PALM2AKAP2: variants seen among roughly 807,000 people sequenced by gnomAD.
PALM2AKAP2 encodes PALM2 and AKAP2 fusion.
In PALM2AKAP2, 37 loss-of-function variants were observed where a neutral mutation model predicts 71.5. That is an observed-to-expected ratio of 0.52 (90% CI 0.40 to 0.68). The LOEUF is 0.68. Ranked by LOEUF, PALM2AKAP2 falls within the 30% of genes least tolerant of loss-of-function variation. The pLI is 0.00. For missense variants in PALM2AKAP2, 1,224 were observed against 1,191.8 expected (o/e 1.03, Z -0.40); for synonymous variants, 468 against 478.8 (o/e 0.98, Z 0.29).
upstream of PALM2AKAP2, among the ~76,000 whole-genome samples, chr9:110,047,177 AATTCAATAGT>A (rs1430053389): frequency 1.3e-5 from 2 of 152,218 alleles, no homozygotes; most frequent in Non-Finnish European, 2.9e-5. Flanking sequence ...ATTCTATTGA[AATTCAATAGT>A]ATAAGAGACA....
intron 6 of PALM2AKAP2, among the ~76,000 whole-genome samples, chr9:109,987,753 G>A (rs1832407923): frequency 6.6e-6 from 1 of 152,100 alleles, no homozygotes; most frequent in African/African-American, 2.4e-5. Context: ...TTTTTGTTCT[G>A]CCATCTTTGG....
intron 1 of PALM2AKAP2, among the ~76,000 whole-genome samples, chr9:110,060,924 A>G (rs7037801): frequency 0.077 from 11,665 of 152,234 alleles, 473 homozygotes; most frequent in Middle Eastern, 0.11. Context: ...AAGTTAAGCT[A>G]CTTGTAAGCT....
At chr9:110,048,681 A>G, upstream of PALM2AKAP2, 2 of 1,521,746 alleles carry the variant, frequency 1.3e-6, no homozygotes, top group Non-Finnish European at 1.7e-6. Context: ...GCGCGCCCGG[A>G]GGCTACCACT....
chr9:109,879,579 G>A (rs945410964), intron 2 of PALM2AKAP2, among the ~76,000 whole-genome samples: 18 of 152,080 alleles, frequency 1.2e-4, no homozygotes, highest in African/African-American at 4.3e-4. Context: ...CTTTTTTCTG[G>A]AACTGTTTTC....
At chr9:109,732,949 A>C (rs1828578526) in intron 1 of PALM2AKAP2, among the ~76,000 whole-genome samples, 1 of 152,160 alleles carries the variant, frequency 6.6e-6, no homozygotes, top group Non-Finnish European at 1.5e-5. Flanking sequence ...CAGGGAGATC[A>C]AGGGATCAGG....
chr9:109,954,968 C>T (rs1343377146), intron 6 of PALM2AKAP2, among the ~76,000 whole-genome samples: 1 of 152,086 alleles, frequency 6.6e-6, no homozygotes, highest in African/African-American at 2.4e-5. Flanking sequence ...AGCCATATTC[C>T]GTTGTTCATC....
intron 1 of PALM2AKAP2, among the ~76,000 whole-genome samples, chr9:109,691,700 A>G (rs879501856): frequency 1.1e-3 from 173 of 151,004 alleles, no homozygotes; most frequent in Non-Finnish European, 2.2e-3. Flanking sequence ...TCGATGTTGG[A>G]AGTAACCTCT....
At chr9:109,745,118 T>C (rs1828778290) in intron 1 of PALM2AKAP2, among the ~76,000 whole-genome samples, 1 of 152,160 alleles carries the variant, frequency 6.6e-6, no homozygotes, top group Non-Finnish European at 1.5e-5. Context: ...AGCGATTTCA[T>C]AGAATGGCAG....
intron 5 of PALM2AKAP2, among the ~76,000 whole-genome samples, chr9:109,926,676 C>G (rs77827747): frequency 2.9e-3 from 448 of 152,258 alleles, no homozygotes; most frequent in Middle Eastern, 6.8e-3. Flanking sequence ...GCATGTCGGC[C>G]TTTTATGCTT....
chr9:109,778,958 A>AG (rs1309156014), upstream of PALM2AKAP2, among the ~76,000 whole-genome samples: 1 of 151,616 alleles, frequency 6.6e-6, no homozygotes, highest in Non-Finnish European at 1.5e-5. Context: ...TTAGTAGAGA[A>AG]GGGGTTTCAC....
chr9:110,016,914 C>T (rs1270022329), intron 7 of PALM2AKAP2, among the ~76,000 whole-genome samples: 1 of 152,116 alleles, frequency 6.6e-6, no homozygotes, highest in Non-Finnish European at 1.5e-5. Flanking sequence ...GAGTCTCTCT[C>T]TTTTGCCCAG....
intron 1 of PALM2AKAP2, among the ~76,000 whole-genome samples, chr9:110,093,009 G>A (rs991394214): frequency 2.0e-5 from 3 of 152,170 alleles, no homozygotes; most frequent in Non-Finnish European, 2.9e-5. Context: ...AGCTGAAGGA[G>A]TGAGAGCTCC....
At chr9:109,961,472 G>A (rs900251939) in intron 6 of PALM2AKAP2, among the ~76,000 whole-genome samples, 2 of 151,928 alleles carry the variant, frequency 1.3e-5, no homozygotes, top group East Asian at 2.0e-4. Flanking sequence ...TCTCAGGGGC[G>A]GCATTGCCCA....
rs1276541617 is a variant in PALM2AKAP2, at chr9:110,097,277, A to AC, written c.157-38849dup. 1.6e-4 allele frequency among the ~76,000 whole-genome samples: 24 copies of AC among 150,024 alleles called. 1 individual carries two copies. The highest frequency in any genetic ancestry group is 2.8e-4 in the Non-Finnish European group (19 of 67,746). On this transcript the variant is annotated intron_variant, in intron 1 of 3. Coordinates refer to ENST00000374525, the Ensembl canonical transcript of PALM2AKAP2. Reference sequence around the variant, plus strand: ...AGAGCACAGGGTTGGGGGTAAGGTCACAGATCAACAGGATCCCAAGGCAGA... The same window carrying AC: ...AGAGCACAGGGTTGGGGGTAAGGTCACCAGATCAACAGGATCCCAAGGCAGA...
At chr9:110,160,254 T>C (rs1836563455) in intron 3 of PALM2AKAP2, among the ~76,000 whole-genome samples, 1 of 152,224 alleles carries the variant, frequency 6.6e-6, no homozygotes, top group African/African-American at 2.4e-5. Flanking sequence ...AGTCTGATGC[T>C]TTTGTGCAGT....
At chr9:109,821,208 T>C (rs992907648) in intron 1 of PALM2AKAP2, among the ~76,000 whole-genome samples, 4 of 152,130 alleles carry the variant, frequency 2.6e-5, no homozygotes, top group African/African-American at 9.7e-5. Flanking sequence ...TCTCAGTCTG[T>C]AGAGTAGGTG....
At chr9:109,686,839 C>A (rs1178808235) in intron 1 of PALM2AKAP2, among the ~76,000 whole-genome samples, 1 of 147,846 alleles carries the variant, frequency 6.8e-6, no homozygotes, top group Non-Finnish European at 1.5e-5. Context: ...CCCTCCACCC[C>A]ACAACAGGCC....
chr9:109,914,455 G>A (rs1270092423), intron 3 of PALM2AKAP2, among the ~76,000 whole-genome samples: 1 of 152,218 alleles, frequency 6.6e-6, no homozygotes, highest in African/African-American at 2.4e-5. Context: ...GAGAAGGGGA[G>A]GATGGAAATT....
At chr9:109,988,512 G>A (rs1454933421) in intron 6 of PALM2AKAP2, among the ~76,000 whole-genome samples, 4 of 151,710 alleles carry the variant, frequency 2.6e-5, no homozygotes, top group African/African-American at 9.7e-5. Context: ...GAAAGAAAAG[G>A]AAGGAAGGGA....
Sources: allele counts gnomAD v4.1 joint callset (sites outside exome capture counted in the v4.1 genomes callset), GRCh38; gene constraint gnomAD v4.1.1; transcripts MANE v1.5; gene names NCBI Gene and HGNC (gene_info 2026-07-23, HGNC 2026-07-21).